Variants in THOC2 observed in about 807,000 individuals in gnomAD.
THOC2 encodes the protein THO complex 2.
Under a neutral mutation model 128.4 loss-of-function variants are expected in THOC2, and 10 were observed. The observed-to-expected ratio is 0.08, with a 90% confidence interval of 0.05 to 0.13. The LOEUF (loss-of-function observed/expected upper bound fraction) is 0.13. THOC2 is among the 10% of genes least tolerant of loss of function. The pLI is 1.00. For missense variants in THOC2, 535 were observed against 1,155.7 expected, an observed-to-expected ratio of 0.46 and a Z score of 7.79; for synonymous variants, 393 against 396.9, an observed-to-expected ratio of 0.99 and a Z score of 0.12.
intron 4 of THOC2, 135 bp from the exon 5 acceptor site, chrX:123,697,886 G>T: frequency 2.5e-6 from 1 of 396,831 alleles, no homozygotes; most frequent in South Asian, 4.1e-5. Context: ...CAAAACTATG[G>T]TAACATGAGA....
rs183688488 is a variant in THOC2 at position 123,720,398 on chromosome X, T to C, written c.72-7490A>G. On this transcript the variant is annotated intron_variant, in intron 1 of 38. Transcript: ENST00000245838. ...AGGAGTTCAAGGTTACGGTGAGCTA[T>C]GATTGCACCACTGCACTCCAGCATG... Among the ~76,000 whole-genome samples, 95 of 111,151 alleles carry C rather than the reference T, an allele frequency of 8.5e-4. 2 individuals carry two copies. Among genetic ancestry groups the C allele is most frequent in the African/African-American group, 2.9e-3 (90 of 30,607 alleles).
At chrX:123,615,656 TACAC>T (rs988551946) in intron 33 of THOC2, among the ~76,000 whole-genome samples, 134 of 91,595 alleles carry the variant, frequency 1.5e-3, no homozygotes, top group Non-Finnish European at 2.5e-3. Context: ...AAAAAAAAAA[TACAC>T]ACACACACAC....
In THOC2 at chrX:123,641,256, A is replaced by T. The variant is rs762987211; in HGVS notation, c.1662-634T>A. Among the ~76,000 whole-genome samples the T allele has an allele frequency of 1.2e-4, 14 of 112,302 alleles. No homozygotes were observed. The East Asian group carries it at 3.6e-3, about 29-fold the overall frequency. On this transcript the variant is annotated intron_variant, in intron 15 of 38. Transcript: ENST00000245838. ...TCTTACAGTTCAAAACAATTATTACACAGAATCTTAAATGCCTCTCCTGAG... is the reference window on the plus strand; with the variant it reads ...TCTTACAGTTCAAAACAATTATTACTCAGAATCTTAAATGCCTCTCCTGAG...
intron 1 of THOC2, among the ~76,000 whole-genome samples, chrX:123,719,223 T>C (rs1200139865): frequency 1.9e-5 from 2 of 103,691 alleles, no homozygotes; most frequent in Non-Finnish European, 3.9e-5. Context: ...AATTTTAAAA[T>C]GGGCAAAGGA....
intron 8 of THOC2, among the ~76,000 whole-genome samples, chrX:123,672,148 G>GTT (rs199576948): frequency 2.7e-5 from 3 of 109,749 alleles, no homozygotes; most frequent in Non-Finnish European, 5.7e-5. Flanking sequence ...GTTTTGGAGG[G>GTT]TTTTTTTTGA....
At chrX:123,718,904 G>A (rs370970502) in intron 1 of THOC2, among the ~76,000 whole-genome samples, 1 of 111,145 alleles carries the variant, frequency 9.0e-6, no homozygotes, top group Non-Finnish European at 1.9e-5. Context: ...GGCCGGGCAC[G>A]GTGGCTCACG....
chrX:123,606,163 G>C (rs191539843), intron 38 of THOC2, among the ~76,000 whole-genome samples: 4 of 109,396 alleles, frequency 3.7e-5, no homozygotes, highest in Non-Finnish European at 5.7e-5. Flanking sequence ...TTTTGCTGGC[G>C]GTGGTGGCTC....
rs149406545 is a variant in THOC2, at chrX:123,653,968, C to A, written c.1387-8593G>T. ...GACACATGCACACGTATGTTTACTG[C>A]AGCACTGTTCACAATAGCAAAGACT... On this transcript the variant is annotated intron_variant, in intron 12 of 38. Transcript: ENST00000245838. 1.5e-3 allele frequency among the ~76,000 whole-genome samples: 162 copies of A among 111,666 alleles called. 1 individual carries two copies. The highest frequency in any genetic ancestry group is 4.6e-3 in the African/African-American group (141 of 30,697).
intron 12 of THOC2, among the ~76,000 whole-genome samples, chrX:123,653,753 G>T (rs1389537797): frequency 1.8e-5 from 2 of 111,986 alleles, no homozygotes; most frequent in Non-Finnish European, 1.9e-5. Context: ...TCATTAAAAA[G>T]TCAGGAAACA....
rs751097732 is a variant in THOC2 at position 123,635,103 on chromosome X, G to T, written c.2018+976C>A. ...TGCCTTGCTTTCCTTAGTTTCGTTT[G>T]TTTTTTTTAAAGAAAGCCCTCATGA... is the stretch of plus-strand genomic sequence containing the variant. On this transcript the variant is annotated intron_variant, in intron 19 of 38. Coordinates refer to ENST00000245838, the MANE Select transcript of THOC2 (RefSeq NM_001081550.2). 4.4e-3 allele frequency among the ~76,000 whole-genome samples: 487 copies of T among 110,495 alleles called. 1 individual carries two copies. The highest frequency in any genetic ancestry group is 7.5e-3 in the Non-Finnish European group (397 of 52,678).
At position 123,619,537 on chromosome X, in the gene THOC2, T is replaced by C. The variant is rs139044262; in HGVS notation, c.4276-101A>G. 1,777 of 931,841 alleles carry C rather than the reference T, an allele frequency of 1.9e-3. 25 individuals carry two copies. The Admixed American group carries it at 0.037, about 19-fold the overall frequency. 76.8% of individuals were successfully genotyped at this position (931,841 alleles called of 1,213,427 possible). On this transcript the variant is annotated intron_variant, in intron 32 of 38. Coordinates refer to ENST00000245838, the MANE Select transcript of THOC2 (RefSeq NM_001081550.2). ...TGTAACCTGGAAATAAACCAGCTAC[T>C]TCTTGTGAGGATAAATTTCATGATG...
intron 38 of THOC2, among the ~76,000 whole-genome samples, chrX:123,607,742 T>C (rs1261059913): frequency 9.0e-6 from 1 of 110,836 alleles, no homozygotes; most frequent in East Asian, 2.8e-4. Flanking sequence ...AGTAACGACA[T>C]CTTTCAATCA....
At chrX:123,659,546 G>A (rs764462863) in intron 12 of THOC2, among the ~76,000 whole-genome samples, 9 of 112,178 alleles carry the variant, frequency 8.0e-5, no homozygotes, top group African/African-American at 2.9e-4. Flanking sequence ...ACTCCAGCCT[G>A]GCAACAGAGC....
chrX:123,724,717 G>A (rs776673489), intron 1 of THOC2, among the ~76,000 whole-genome samples: 2 of 111,004 alleles, frequency 1.8e-5, no homozygotes, highest in Non-Finnish European at 3.8e-5. Flanking sequence ...AAGGGCAATG[G>A]AGAGCATCTA....
intron 19 of THOC2, among the ~76,000 whole-genome samples, chrX:123,635,255 C>A (rs2047631289): frequency 9.0e-6 from 1 of 111,547 alleles, no homozygotes; most frequent in Non-Finnish European, 1.9e-5. Context: ...GATATATATT[C>A]TCCTGGCCTA....
At chrX:123,643,350 A>G (rs779318275) in intron 15 of THOC2, among the ~76,000 whole-genome samples, 1 of 111,763 alleles carries the variant, frequency 8.9e-6, no homozygotes, top group Non-Finnish European at 1.9e-5. Context: ...TCAGTCACCA[A>G]AGGATTTTTA....
intron 12 of THOC2, among the ~76,000 whole-genome samples, chrX:123,662,794 G>T (rs1457499104): frequency 9.0e-6 from 1 of 111,195 alleles, no homozygotes; most frequent in Non-Finnish European, 1.9e-5. Flanking sequence ...TTAAAAATGT[G>T]CAAGAGACAT....
At chrX:123,651,733 C>G (rs189948391) in intron 12 of THOC2, among the ~76,000 whole-genome samples, 24 of 107,198 alleles carry the variant, frequency 2.2e-4, no homozygotes, top group East Asian at 1.2e-3. Context: ...ACGCCCCCCC[C>G]CCAAGACTAA....
chrX:123,645,667 A>G, intron 12 of THOC2, among the ~76,000 whole-genome samples: 1 of 112,786 alleles, frequency 8.9e-6, no homozygotes, highest in Non-Finnish European at 1.9e-5. Flanking sequence ...ATTTATTATA[A>G]AAGTGTAGCA....
Sources: gnomAD v4.1 joint callset for allele counts (sites outside exome capture counted in the v4.1 genomes callset) on GRCh38, gnomAD v4.1.1 for gene constraint, MANE v1.5 for transcripts, NCBI Gene and HGNC (gene_info 2026-07-23, HGNC 2026-07-21) for gene names.